The following ATP10B variants were observed in gnomAD, a reference collection of about 807,000 sequenced individuals.
ATP10B encodes the protein phospholipid-transporting ATPase VB.
A neutral mutation model predicts 141.2 loss-of-function variants in ATP10B; 122 were observed. The ratio of observed to expected loss-of-function variants is 0.86; its 90% CI spans 0.75 to 1.00. The LOEUF is 1.00. ATP10B is among the 50% of genes least tolerant of loss of function. The pLI, the probability that ATP10B is intolerant of heterozygous loss-of-function variation, is 0.00. For missense variants in ATP10B, 1,876 were observed against 1,825.3 expected, an observed-to-expected ratio of 1.03 and a Z score of -0.51; for synonymous variants, 685 against 692.0, an observed-to-expected ratio of 0.99 and a Z score of 0.16.
chr5:160,580,224 G>A (rs1246318979), intron 24 of ATP10B, among the ~76,000 whole-genome samples: 1 of 152,048 alleles, frequency 6.6e-6, no homozygotes, highest in Non-Finnish European at 1.5e-5. Context: ...AGAGAGGGTG[G>A]CATCCTTGTT....
chr5:160,593,853 A>C (rs1190280363), intron 22 of ATP10B, among the ~76,000 whole-genome samples: 1 of 152,182 alleles, frequency 6.6e-6, no homozygotes, highest in African/African-American at 2.4e-5. Flanking sequence ...AAAAAGAAAC[A>C]AACAAAGCCT....
chr5:160,582,801 C>G (rs546360560), intron 24 of ATP10B, among the ~76,000 whole-genome samples: 1 of 151,958 alleles, frequency 6.6e-6, no homozygotes, highest in South Asian at 2.1e-4. Context: ...TTTCTCTAAT[C>G]TTGTCTTCAA....
chr5:160,756,768 C>A (rs1768645933), intron 2 of ATP10B, among the ~76,000 whole-genome samples: 1 of 151,922 alleles, frequency 6.6e-6, no homozygotes, highest in Non-Finnish European at 1.5e-5. Context: ...TACAGGCATG[C>A]ACTGCATAAT....
At chr5:160,728,670 C>G (rs1766529956) in intron 2 of ATP10B, among the ~76,000 whole-genome samples, 1 of 152,140 alleles carries the variant, frequency 6.6e-6, no homozygotes, top group Non-Finnish European at 1.5e-5. Context: ...TTCTGTGAGT[C>G]CTGATAGTGA....
intron 2 of ATP10B, among the ~76,000 whole-genome samples, chr5:160,749,002 G>C (rs1767984133): frequency 6.6e-6 from 1 of 152,162 alleles, no homozygotes; most frequent in African/African-American, 2.4e-5. Flanking sequence ...CAAGGAAATA[G>C]ACACCCTCAG....
chr5:160,919,397 C>G, the ATP10B span, among the ~76,000 whole-genome samples: 1 of 151,876 alleles, frequency 6.6e-6, no homozygotes, highest in Non-Finnish European at 1.5e-5. Context: ...GTCTTGGAAC[C>G]AGGACTCACA....
At chr5:160,866,934 G>C in the ATP10B span, among the ~76,000 whole-genome samples, 1 of 152,050 alleles carries the variant, frequency 6.6e-6, no homozygotes, top group South Asian at 2.1e-4. Flanking sequence ...TCCATTTTAT[G>C]AACGACTGGA....
chr5:160,631,863 G>A (rs922514590), intron 13 of ATP10B, among the ~76,000 whole-genome samples: 3 of 152,160 alleles, frequency 2.0e-5, no homozygotes, highest in African/African-American at 4.8e-5. Flanking sequence ...GCTTAGTGTG[G>A]AGAATTTTTA....
the ATP10B span, among the ~76,000 whole-genome samples, chr5:160,897,094 T>C: frequency 6.6e-6 from 1 of 152,190 alleles, no homozygotes; most frequent in African/African-American, 2.4e-5. Context: ...TTATACTGAA[T>C]GGGAAAAAGC....
At chr5:160,779,268 G>A (rs1770560665) in intron 2 of ATP10B, among the ~76,000 whole-genome samples, 2 of 152,044 alleles carry the variant, frequency 1.3e-5, no homozygotes, top group Non-Finnish European at 2.9e-5. Context: ...ATTCAGAATG[G>A]CTCCCACTGA....
intron 24 of ATP10B, among the ~76,000 whole-genome samples, chr5:160,588,876 A>T (rs922456706): frequency 6.6e-6 from 1 of 152,210 alleles, no homozygotes; most frequent in African/African-American, 2.4e-5. Context: ...ACATTTGGAT[A>T]TGCTTGAGAT....
intron 1 of ATP10B, among the ~76,000 whole-genome samples, chr5:160,814,556 C>A (rs35667611): frequency 0.28 from 36,929 of 131,110 alleles, 6,906 homozygotes; most frequent in East Asian, 0.39. Flanking sequence ...GTAGGAAAAC[C>A]CTCTGCAGGA....
At chr5:160,686,878 A>G in intron 5 of ATP10B, 4 of 881,262 alleles carry the variant, frequency 4.5e-6, no homozygotes, top group Non-Finnish European at 5.4e-6. Flanking sequence ...TAATTACAAT[A>G]TTGAGGGTGA....
intron 1 of ATP10B, among the ~76,000 whole-genome samples, chr5:160,842,741 G>T (rs1361194970): frequency 2.0e-5 from 3 of 151,522 alleles, no homozygotes; most frequent in Non-Finnish European, 4.4e-5. Context: ...TTTTTTATAA[G>T]AAGAAACAGA....
chr5:160,602,649 C>A lies in ATP10B; in HGVS notation c.3291G>T (p.Leu1097Phe). The change falls in exon 21 of 26, where the codon TTG (leucine) becomes TTT (phenylalanine). Residue 1097 changes from leucine (L) to phenylalanine (F), a missense_variant. Leu to Phe is a conservative substitution (Grantham distance 22). Transcript: ENST00000327245. ...AACACCAGTGGCCATGCACGAGCAG[C>A]AACTTCTTGAGATGCTTAAAGCGGG... The part of the protein sequence containing the change: ...AITRFKHLKK[L>F]LLVHGHWCYS... 6.2e-7 allele frequency: 1 copy of A among 1,614,092 alleles called. No homozygotes were observed. Among genetic ancestry groups the A allele is most frequent in the Non-Finnish European group, 8.5e-7 (1 of 1,179,962 alleles).
intron 8 of ATP10B, among the ~76,000 whole-genome samples, chr5:160,644,980 G>A (rs1760170766): frequency 6.6e-6 from 1 of 151,984 alleles, no homozygotes; most frequent in Non-Finnish European, 1.5e-5. Flanking sequence ...AGTCAGGCAT[G>A]GTGGCAGGTG....
intron 2 of ATP10B, among the ~76,000 whole-genome samples, chr5:160,719,935 A>G (rs953279344): frequency 1.3e-5 from 2 of 152,226 alleles, no homozygotes. Context: ...AGAAAAACTA[A>G]CAGAGCTATT....
chr5:160,769,293 A>G (rs1205481768), intron 2 of ATP10B, among the ~76,000 whole-genome samples: 1 of 152,166 alleles, frequency 6.6e-6, no homozygotes, highest in African/African-American at 2.4e-5. Context: ...GACTGTGTTT[A>G]TTATAAAGAT....
chr5:160,655,309 C>T (rs1453264345), intron 7 of ATP10B, among the ~76,000 whole-genome samples: 1 of 151,382 alleles, frequency 6.6e-6, no homozygotes, highest in East Asian at 1.9e-4. Flanking sequence ...TTGGCCACTC[C>T]CTCTATGAAG....
Sources: gnomAD v4.1 joint callset for allele counts (sites outside exome capture counted in the v4.1 genomes callset) on GRCh38, gnomAD v4.1.1 for gene constraint, MANE v1.5 for transcripts, NCBI Gene and HGNC (gene_info 2026-07-23, HGNC 2026-07-21) for gene names.